The following MINDY4 variants were observed in gnomAD, a reference collection of about 807,000 sequenced individuals.
The protein encoded by MINDY4 is probable ubiquitin carboxyl-terminal hydrolase MINDY-4.
In MINDY4, 68 loss-of-function variants were observed where a neutral mutation model predicts 87.0. The observed-to-expected ratio is 0.78, with a 90% confidence interval of 0.64 to 0.96. The LOEUF is 0.96. Among genes scored for constraint, MINDY4 ranks in the 40% least tolerant of loss-of-function variants. The pLI, the probability that MINDY4 is intolerant of heterozygous loss-of-function variation, is 0.00. For synonymous variants in MINDY4, 379 were observed against 363.2 expected (o/e 1.04, Z -0.50); for missense variants, 919 against 928.2 (o/e 0.99, Z 0.13).
At chr7:30,776,740 GTC>G (rs1355296206) in intron 1 of MINDY4, among the ~76,000 whole-genome samples, 1 of 152,154 alleles carries the variant, frequency 6.6e-6, no homozygotes, top group Non-Finnish European at 1.5e-5. Context: ...TCCCTGCTTT[GTC>G]TCCCTCGTAG....
intron 9 of MINDY4, among the ~76,000 whole-genome samples, chr7:30,846,622 T>G (rs928504315): frequency 3.3e-5 from 5 of 152,104 alleles, no homozygotes; most frequent in Non-Finnish European, 7.3e-5. Flanking sequence ...GCAGGACCTT[T>G]CCCTGTCATC....
At chr7:30,775,122 A>T (rs945716079) in intron 1 of MINDY4, among the ~76,000 whole-genome samples, 1 of 152,086 alleles carries the variant, frequency 6.6e-6, no homozygotes, top group Non-Finnish European at 1.5e-5. Flanking sequence ...AACTCTCCAG[A>T]CACCAATTGG....
chr7:30,882,478 TC>T, intron 16 of MINDY4, 117 bp downstream of exon 16: 2 of 912,910 alleles, frequency 2.2e-6, no homozygotes, highest in Non-Finnish European at 3.2e-6. Flanking sequence ...CAGTGCAGAC[TC>T]CAGCATCCAG....
rs141173304 is a variant in MINDY4 at position 30,819,594 on chromosome 7, C to A, written c.1074-9085C>A. Among the ~76,000 whole-genome samples the A allele has an allele frequency of 4.2e-3, 634 of 152,220 alleles. 3 individuals are homozygous for A. The highest frequency in any genetic ancestry group is 5.7e-3 in the Non-Finnish European group (387 of 68,018). On this transcript the variant is annotated intron_variant, in intron 5 of 17. Coordinates refer to ENST00000265299, the MANE Select transcript of MINDY4 (RefSeq NM_032222.3). ...AGATGTGTTAAAATTTTCTATTATG[C>A]TCACGGATTGAAGAGTTTCTCCTCG...
chr7:30,859,906 C>G (rs1379619249), intron 13 of MINDY4, among the ~76,000 whole-genome samples: 1 of 152,222 alleles, frequency 6.6e-6, no homozygotes, highest in Non-Finnish European at 1.5e-5. Context: ...GGTCCCCAGC[C>G]TGCTCCACAG....
intron 3 of MINDY4, among the ~76,000 whole-genome samples, chr7:30,782,900 C>T (rs1362011891): frequency 6.6e-6 from 1 of 152,088 alleles, no homozygotes; most frequent in Non-Finnish European, 1.5e-5. Flanking sequence ...TGTGGCCCAC[C>T]CACATCATTG....
At chr7:30,816,244 A>G (rs1788145095) in intron 5 of MINDY4, among the ~76,000 whole-genome samples, 1 of 151,744 alleles carries the variant, frequency 6.6e-6, no homozygotes. Flanking sequence ...ACATCTTTGT[A>G]CAGTTTTGTT....
chr7:30,852,183 C>G lies in MINDY4; in HGVS notation c.1548-33C>G, dbSNP rs776511368. The G allele has an allele frequency of 3.7e-6, 6 of 1,613,754 alleles. No homozygotes were observed. The Admixed American group carries it at 1.0e-4, about 27-fold the overall frequency. On this transcript the variant is annotated intron_variant, in intron 10 of 17. Coordinates refer to ENST00000265299, the MANE Select transcript of MINDY4 (RefSeq NM_032222.3). ...CTGGAGGGCACGCCTTCTCTCCACT[C>G]AGAGGACTCATGCACCTTCCTTTCC...
In MINDY4 at chr7:30,859,245, T is replaced by TC. The variant is rs138023075; in HGVS notation, c.1678-7dup. 3,069 of 1,613,238 alleles carry TC rather than the reference T, an allele frequency of 1.9e-3. 59 individuals carry two copies. In the African/African-American group the frequency reaches 0.036, roughly 19 times the overall value. ...AAATGGGATGGAGCTCATTTTTCTC[T>TC]CCCCCTCCCAGTTTGAAGTGGGCCC... On this transcript the variant is annotated splice_polypyrimidine_tract_variant and intron_variant, in intron 12 of 17. Coordinates refer to ENST00000265299, the MANE Select transcript of MINDY4 (RefSeq NM_032222.3).
chr7:30,886,423 A>G (rs773234665), intron 17 of MINDY4, among the ~76,000 whole-genome samples: 6 of 152,240 alleles, frequency 3.9e-5, no homozygotes, highest in Non-Finnish European at 5.9e-5. Context: ...TTGCCCTGCA[A>G]GAACCCCCAA....
At chr7:30,788,578 A>T (rs1787227055) in intron 4 of MINDY4, among the ~76,000 whole-genome samples, 1 of 152,158 alleles carries the variant, frequency 6.6e-6, no homozygotes, top group South Asian at 2.1e-4. Flanking sequence ...AGTTTTCCAA[A>T]ATTCTAATTT....
At chr7:30,774,274 C>T (rs1364111240) in intron 1 of MINDY4, among the ~76,000 whole-genome samples, 2 of 152,210 alleles carry the variant, frequency 1.3e-5, no homozygotes, top group African/African-American at 4.8e-5. Context: ...ACTTACTCAC[C>T]TTCCTGGGCT....
At chr7:30,783,714 A>G (rs892012554) in intron 3 of MINDY4, among the ~76,000 whole-genome samples, 3 of 152,178 alleles carry the variant, frequency 2.0e-5, no homozygotes, top group Non-Finnish European at 4.4e-5. Context: ...AGGCTGTGAG[A>G]ATGGACTACT....
intron 5 of MINDY4, among the ~76,000 whole-genome samples, chr7:30,816,183 G>A (rs557068826): frequency 4.6e-5 from 7 of 151,526 alleles, no homozygotes; most frequent in South Asian, 2.1e-4. Flanking sequence ...TTGCGTGCCC[G>A]GGTCTCATAT....
intron 7 of MINDY4, among the ~76,000 whole-genome samples, chr7:30,837,108 G>A (rs1000335671): frequency 6.6e-6 from 1 of 152,184 alleles, no homozygotes; most frequent in African/African-American, 2.4e-5. Flanking sequence ...CGCTGCTCCT[G>A]TACTGGTCTC....
chr7:30,825,292 T>C (rs1788464851), intron 5 of MINDY4, among the ~76,000 whole-genome samples: 1 of 152,190 alleles, frequency 6.6e-6, no homozygotes, highest in South Asian at 2.1e-4. Context: ...GGAAGCATAA[T>C]TGAAGTCTCC....
chr7:30,789,979 G>A (rs866963985), intron 4 of MINDY4, among the ~76,000 whole-genome samples: 35 of 152,330 alleles, frequency 2.3e-4, no homozygotes, highest in African/African-American at 7.2e-4. Context: ...TGTGTGCTCT[G>A]TGAACACCAG....
chr7:30,794,726 CTGTT>C (rs1390211346), intron 5 of MINDY4, among the ~76,000 whole-genome samples: 2 of 152,176 alleles, frequency 1.3e-5, no homozygotes, highest in Non-Finnish European at 2.9e-5. Flanking sequence ...GGGGTTGTGG[CTGTT>C]TGGGGCCACC....
At chr7:30,783,409 T>C (rs1044392889) in intron 3 of MINDY4, among the ~76,000 whole-genome samples, 1 of 152,222 alleles carries the variant, frequency 6.6e-6, no homozygotes, top group Admixed American at 6.5e-5. Flanking sequence ...TCCTTTTCAC[T>C]GTGTAGCTAG....
Sources: allele counts gnomAD v4.1 joint callset (sites outside exome capture counted in the v4.1 genomes callset), GRCh38; gene constraint gnomAD v4.1.1; transcripts MANE v1.5; gene names NCBI Gene and HGNC (gene_info 2026-07-23, HGNC 2026-07-21).